Variants in NAA25 observed in about 807,000 individuals in gnomAD.
The protein encoded by NAA25 is N-terminal acetyltransferase B complex subunit NAA25.
In NAA25, 30 loss-of-function variants were observed where a neutral mutation model predicts 132.5. The observed-to-expected ratio is 0.23, with a 90% CI of 0.17 to 0.31. NAA25 has a LOEUF of 0.31. NAA25 is among the 10% of genes least tolerant of loss of function. The pLI, the probability that NAA25 is intolerant of heterozygous loss-of-function variation, is 1.00. For synonymous variants in NAA25, 359 were observed against 401.9 expected, an observed-to-expected ratio of 0.89 and a Z score of 1.28; for missense variants, 771 against 1,150.4, an observed-to-expected ratio of 0.67 and a Z score of 4.77.
intron 22 of NAA25, among the ~76,000 whole-genome samples, chr12:112,035,913 C>T (rs563399975): frequency 6.8e-4 from 104 of 152,088 alleles, no homozygotes; most frequent in African/African-American, 2.2e-3. Context: ...TCAAAACTCC[C>T]GGGCTCAAGC....
Position 112,029,094 on chromosome 12 carries a change from T to C in NAA25, c.*437A>G, listed in dbSNP as rs1278500529. 6.1e-6 allele frequency: 1 copy of C among 163,246 alleles called. No individual in the cohort carries two copies. The highest frequency in any genetic ancestry group is 1.4e-5 in the Non-Finnish European group (1 of 73,978). 10.1% of individuals were successfully genotyped at this position (163,246 alleles called of 1,614,324 possible). A position where few individuals can be genotyped will look rare whatever the true frequency, so the allele number is the denominator to read the frequency against. ...AGGGGGTCTGTTCCCAGGCATGGTC[T>C]CCCCTCCACTTCTTGTGGCTCAAGG... On this transcript the variant is annotated 3_prime_UTR_variant, in exon 24 of 24. Coordinates refer to ENST00000261745, the MANE Select transcript of NAA25 (RefSeq NM_024953.4).
chr12:112,068,713 AT>A lies in NAA25; in HGVS notation c.1149+166del, dbSNP rs55772134. 2.8e-3 allele frequency among the ~76,000 whole-genome samples: 431 copies of A among 152,354 alleles called. 1 individual carries two copies. The highest frequency in any genetic ancestry group is 5.1e-3 in the Non-Finnish European group (350 of 68,028). ...TCCCGTTGTGACTTAACCAGAAATT[AT>A]GCCTTCAGTGTTGTAACACATAGAG... On this transcript the variant is annotated intron_variant, in intron 11 of 23. Coordinates refer to ENST00000261745, the MANE Select transcript of NAA25 (RefSeq NM_024953.4).
chr12:112,045,948 C>G (rs1280254853), intron 17 of NAA25, among the ~76,000 whole-genome samples: 1 of 151,876 alleles, frequency 6.6e-6, no homozygotes, highest in Non-Finnish European at 1.5e-5. Context: ...ACAGTAATTA[C>G]ATTATTTTGC....
chr12:112,051,626 A>C (rs1051253257), intron 15 of NAA25, among the ~76,000 whole-genome samples: 3 of 152,154 alleles, frequency 2.0e-5, no homozygotes, highest in African/African-American at 7.2e-5. Flanking sequence ...CTAGTCTCTG[A>C]TCAATAAAAT....
intron 8 of NAA25, among the ~76,000 whole-genome samples, chr12:112,075,138 A>G (rs1021561929): frequency 6.6e-5 from 10 of 152,074 alleles, no homozygotes; most frequent in African/African-American, 2.4e-4. Flanking sequence ...AATGATTTTC[A>G]GTGTTCATTC....
At chr12:112,075,815 G>C (rs1566021341) in intron 7 of NAA25, 26 bp from the exon 8 acceptor site, 6 of 1,590,390 alleles carry the variant, frequency 3.8e-6, no homozygotes, top group Non-Finnish European at 5.2e-6. Context: ...ATAAAAGTTG[G>C]TAAGCTGGTT....
chr12:112,038,057 A>C (rs192660649), intron 22 of NAA25, among the ~76,000 whole-genome samples: 6 of 152,314 alleles, frequency 3.9e-5, no homozygotes, highest in Admixed American at 2.6e-4. Flanking sequence ...TCTGTCATCC[A>C]GACTGGAGTG....
intron 1 of NAA25, among the ~76,000 whole-genome samples, chr12:112,107,402 G>A (rs577030204): frequency 2.0e-5 from 3 of 149,830 alleles, no homozygotes; most frequent in African/African-American, 7.4e-5. Context: ...TGTTGTTGTT[G>A]TTGTTAAAGG....
chr12:112,039,521 C>T, intron 21 of NAA25, 182 bp from the exon 22 acceptor site: 1 of 485,900 alleles, frequency 2.1e-6, no homozygotes, highest in Non-Finnish European at 3.6e-6. Context: ...TTCATCATCT[C>T]CTGCTCAGAA....
At chr12:112,062,260 G>T (rs1205099245) in intron 11 of NAA25, among the ~76,000 whole-genome samples, 11 of 152,034 alleles carry the variant, frequency 7.2e-5, no homozygotes, top group Non-Finnish European at 5.9e-5. Flanking sequence ...AATTAGCCAG[G>T]CATGGTGGCG....
At chr12:112,032,349 A>C (rs528371252) in intron 23 of NAA25, among the ~76,000 whole-genome samples, 13 of 152,098 alleles carry the variant, frequency 8.5e-5, no homozygotes, top group Non-Finnish European at 1.5e-5. Context: ...TCAAAGTCTA[A>C]CGTTTTTAAG....
intron 11 of NAA25, among the ~76,000 whole-genome samples, chr12:112,068,582 C>T (rs2078753510): frequency 6.6e-6 from 1 of 151,820 alleles, no homozygotes; most frequent in Non-Finnish European, 1.5e-5. Context: ...CTTCCAATTA[C>T]ATGTAAATCG....
chr12:112,058,664 C>T (rs543418563), intron 13 of NAA25, among the ~76,000 whole-genome samples: 11 of 152,244 alleles, frequency 7.2e-5, no homozygotes, highest in African/African-American at 2.2e-4. Context: ...GTGGCTCACG[C>T]CTGAATCCCA....
rs1593738933 is a variant in NAA25 at position 112,032,689 on chromosome 12, T to C, written c.2796+544A>G. ...GAATCGTCATTTTAAGGGCAAAGGC[T>C]TTATAAGGATTTTGCTAACTAATAG... On this transcript the variant is annotated intron_variant, in intron 23 of 23. Transcript: ENST00000261745. 2.0e-5 allele frequency among the ~76,000 whole-genome samples: 3 copies of C among 152,336 alleles called. No individual in the cohort carries two copies. The East Asian group carries it at 5.8e-4, about 29-fold the overall frequency.
chr12:112,043,820 C>T lies in NAA25; in HGVS notation c.2055G>A (p.Leu685=). 1 of 1,614,024 alleles carries T rather than the reference C, an allele frequency of 6.2e-7. No homozygotes were observed. Among genetic ancestry groups the T allele is most frequent in the Non-Finnish European group, 8.5e-7 (1 of 1,179,944 alleles). Residue 685 remains leucine, a synonymous_variant, in exon 18 of 24, where the codon TTG becomes TTA. Coordinates refer to ENST00000261745, the MANE Select transcript of NAA25 (RefSeq NM_024953.4). ...HKKLSLEEET[L]WLRIRSLTLR... ...ATGTTAAGGATCGGATTCTTAACCA[C>T]AAGGTCTCCTCCTCTAAGGAAAGTT... is the stretch of plus-strand genomic sequence containing the variant.
chr12:112,053,730 C>A (rs1407988780), intron 14 of NAA25, 73 bp from the exon 15 acceptor site: 2 of 1,062,910 alleles, frequency 1.9e-6, no homozygotes, highest in African/African-American at 3.2e-5. Context: ...ACAAATATTA[C>A]GCTTCAAATT....
chr12:112,075,263 A>C lies in NAA25; in HGVS notation c.776+415T>G, dbSNP rs554633360. 4.6e-5 allele frequency among the ~76,000 whole-genome samples: 7 copies of C among 151,358 alleles called. No individual in the cohort carries two copies. In the East Asian group the frequency reaches 1.4e-3, roughly 29 times the overall value. On this transcript the variant is annotated intron_variant, in intron 8 of 23. Coordinates refer to ENST00000261745, the MANE Select transcript of NAA25 (RefSeq NM_024953.4). ...GAGTGCAGTGGCATGATCTCAGCTC[A>C]CTGCAACCTCTGCCTCCCAGGTTCA...
chr12:112,086,071 T>TACACACAC (rs71083199), intron 4 of NAA25, among the ~76,000 whole-genome samples: 3 of 53,652 alleles, frequency 5.6e-5, no homozygotes, highest in African/African-American at 2.7e-4. Context: ...TATATATATA[T>TACACACAC]ATACACACAC....
rs1279267359 is a variant in NAA25 at position 112,085,658 on chromosome 12, T to C, written c.402+2025A>G. On this transcript the variant is annotated intron_variant, in intron 4 of 23. Coordinates refer to ENST00000261745, the MANE Select transcript of NAA25 (RefSeq NM_024953.4). ...TTAATATACTTTGCTTAAAACATAATCTTACAAATAAAAATGATATTAAGG... is the reference window on the plus strand; with the variant it reads ...TTAATATACTTTGCTTAAAACATAACCTTACAAATAAAAATGATATTAAGG... Among the ~76,000 whole-genome samples the C allele has an allele frequency of 5.3e-5, 8 of 152,212 alleles. No homozygotes were observed. In the South Asian group the frequency reaches 1.0e-3, roughly 20 times the overall value.
Sources: allele counts gnomAD v4.1 joint callset (sites outside exome capture counted in the v4.1 genomes callset), GRCh38; gene constraint gnomAD v4.1.1; transcripts MANE v1.5; gene names NCBI Gene and HGNC (gene_info 2026-07-23, HGNC 2026-07-21).